NKD1: variants seen among roughly 807,000 people sequenced by gnomAD.
The protein encoded by NKD1 is protein naked cuticle homolog 1.
NKD1 carries 21 observed loss-of-function variants against 56.0 expected under a neutral mutation model. That is an observed-to-expected ratio of 0.38 (90% CI 0.27 to 0.54). NKD1 has a LOEUF of 0.54. NKD1 is among the 20% of genes least tolerant of loss of function. The pLI is 0.82. For missense variants in NKD1, 578 were observed against 642.7 expected, an observed-to-expected ratio of 0.90 and a Z score of 1.09; for synonymous variants, 263 against 265.7, an observed-to-expected ratio of 0.99 and a Z score of 0.10.
intron 3 of NKD1, among the ~76,000 whole-genome samples, chr16:50,563,462 C>G (rs909531714): frequency 6.7e-6 from 1 of 150,108 alleles, no homozygotes; most frequent in Non-Finnish European, 1.5e-5. Context: ...AGGCTAAACT[C>G]CATCCTCAGT....
rs1308383001 is a variant in NKD1 at position 50,632,479 on chromosome 16, CG to C, written c.823+74del. 7.2e-6 allele frequency: 11 copies of C among 1,535,974 alleles called. No individual in the cohort carries two copies. In the East Asian group the frequency reaches 2.0e-4, roughly 28 times the overall value. ...GGCTGGACGGGCCAGGCGGGCCGTG[CG>C]GGTGGTGTTCACTGCTACCCCAGGC... On this transcript the variant is annotated intron_variant, in intron 9 of 9. Coordinates refer to ENST00000268459, the MANE Select transcript of NKD1 (RefSeq NM_033119.5). This position sits in a 1 kb window ranked among gnomAD's most constrained non-coding sequence, Gnocchi z 4.1.
chr16:50,597,004 G>A (rs1961487361), intron 3 of NKD1, among the ~76,000 whole-genome samples: 1 of 152,196 alleles, frequency 6.6e-6, no homozygotes, highest in African/African-American at 2.4e-5. Context: ...GGAACAGAAG[G>A]GGTGAGGGAG....
chr16:50,575,508 C>T, intron 3 of NKD1: 1 of 291,674 alleles, frequency 3.4e-6, no homozygotes, highest in Non-Finnish European at 5.1e-6. Context: ...TAACGTGGGC[C>T]TCCCTTTCCA....
chr16:50,611,711 G>A (rs1202511659), intron 4 of NKD1, among the ~76,000 whole-genome samples: 1 of 152,206 alleles, frequency 6.6e-6, no homozygotes, highest in Non-Finnish European at 1.5e-5. Context: ...CTGACTTCCT[G>A]TGAATTCGCA....
At chr16:50,554,422 A>G (rs1960456544) in intron 3 of NKD1, among the ~76,000 whole-genome samples, 1 of 152,168 alleles carries the variant, frequency 6.6e-6, no homozygotes, top group Non-Finnish European at 1.5e-5. Context: ...CAGCAAAAAA[A>G]GAAGAAAGAA....
chr16:50,602,692 A>T (rs913054006), intron 3 of NKD1, among the ~76,000 whole-genome samples: 1 of 152,046 alleles, frequency 6.6e-6, no homozygotes, highest in Non-Finnish European at 1.5e-5. Context: ...CATGGCATAC[A>T]TGGGTTTGGT....
At position 50,633,941 on chromosome 16, in the gene NKD1, G is replaced by C; in HGVS notation, c.*160G>C. On this transcript the variant is annotated 3_prime_UTR_variant, in exon 10 of 10. Transcript: ENST00000268459. The surrounding 1 kb of genome is among the most constrained non-coding windows in gnomAD (Gnocchi z 4.9). ...GCTAGCCTACATGTAGAAGATCTAT[G>C]GAAACACAGAACTAAACTTTTATTT... 1 of 522,954 alleles carries C rather than the reference G, an allele frequency of 1.9e-6. No homozygotes were observed. The highest frequency in any genetic ancestry group is 3.6e-5 in the South Asian group (1 of 27,526). The allele number at this position is 522,954 out of a possible 1,614,324, so 32.4% of individuals were successfully genotyped here. A position where few individuals can be genotyped will look rare whatever the true frequency, so the allele number is the denominator to read the frequency against.
At chr16:50,631,013 A>G (rs895060011) in intron 8 of NKD1, 103 bp downstream of exon 8, 5 of 808,000 alleles carry the variant, frequency 6.2e-6, no homozygotes, top group East Asian at 2.9e-5. Flanking sequence ...TGTTCTCTTC[A>G]GGGAGCCAAC....
rs1413897439 is a variant in NKD1, at chr16:50,589,689, TTTCTTTTCTC to T, written c.193-18600_193-18591del. 4.8e-4 allele frequency among the ~76,000 whole-genome samples: 71 copies of T among 147,212 alleles called. 1 individual carries two copies. The highest frequency in any genetic ancestry group is 3.5e-3 in the East Asian group (16 of 4,614). On this transcript the variant is annotated intron_variant, in intron 3 of 9. Transcript: ENST00000268459. Reference sequence around the variant, plus strand: ...TGGAGGCCTTTGCTGAATGCTTTCTTTTCTTTTCTCTTCTCTTCTCTTCTCTTCTCTTCTC... The same window carrying T: ...TGGAGGCCTTTGCTGAATGCTTTCTTTTCTCTTCTCTTCTCTTCTCTTCTC...
At chr16:50,615,403 T>C (rs763855748) in intron 4 of NKD1, among the ~76,000 whole-genome samples, 40 of 152,172 alleles carry the variant, frequency 2.6e-4, no homozygotes, top group Non-Finnish European at 5.0e-4. Context: ...AAATGAGTGA[T>C]ATAATGATGG....
Position 50,633,121 on chromosome 16 carries a change from A to T in NKD1, c.824-71A>T. On this transcript the variant is annotated intron_variant, in intron 9 of 9. Coordinates refer to ENST00000268459, the MANE Select transcript of NKD1 (RefSeq NM_033119.5). This position sits in a 1 kb window ranked among gnomAD's most constrained non-coding sequence, Gnocchi z 4.9. ...TTTTGGAGAACTGGGGGCGGGGGTG[A>T]TGTCTGGGGTATAGCGCAAGCCCCA... 7.2e-7 allele frequency: 1 copy of T among 1,386,000 alleles called. No homozygotes were observed. Among genetic ancestry groups the T allele is most frequent in the Non-Finnish European group, 9.7e-7 (1 of 1,032,130 alleles). The allele number at this position is 1,386,000 out of a possible 1,614,324, so 85.9% of individuals were successfully genotyped here. A position where few individuals can be genotyped will look rare whatever the true frequency, so the allele number is the denominator to read the frequency against.
chr16:50,616,339 T>C (rs1961960060), intron 4 of NKD1, among the ~76,000 whole-genome samples: 1 of 152,206 alleles, frequency 6.6e-6, no homozygotes, highest in Non-Finnish European at 1.5e-5. Context: ...TTCAAATTTG[T>C]CTCTTCTTTC....
rs1402246965 is a variant in NKD1, at chr16:50,648,831, G to T, written c.*15050G>T. ...TCTGTGCCCCTTCTTCCATTTTGCT[G>T]CCTGGAAAGCAGATGTGATGGCTGG... On this transcript the variant is annotated 3_prime_UTR_variant, in exon 10 of 10. Transcript: ENST00000268459. 6.6e-6 allele frequency: 1 copy of T among 152,224 alleles called. No homozygotes were observed. The highest frequency in any genetic ancestry group is 1.5e-5 in the Non-Finnish European group (1 of 68,050). 9.4% of individuals were successfully genotyped at this position (152,224 alleles called of 1,614,324 possible).
intron 3 of NKD1, among the ~76,000 whole-genome samples, chr16:50,588,598 CTTTTTTTTTTT>C (rs574622414): frequency 1.2e-4 from 11 of 94,678 alleles, no homozygotes; most frequent in East Asian, 5.5e-4. Flanking sequence ...TTTTCTTCTG[CTTTTTTTTTTT>C]TTTTTTTTTT....
rs1354769568 is a variant in NKD1, at chr16:50,640,059, A to T, written c.*6278A>T. On this transcript the variant is annotated 3_prime_UTR_variant, in exon 10 of 10. Transcript: ENST00000268459. ...CTAGTAGGGTTTGTTTTGGGGTCAC[A>T]TCTGGTCATACCCTTCAGAGAGCTC... is the stretch of plus-strand genomic sequence containing the variant. 6.6e-6 allele frequency: 1 copy of T among 152,178 alleles called. No homozygotes were observed. Among genetic ancestry groups the T allele is most frequent in the African/African-American group, 2.4e-5 (1 of 41,420 alleles). 9.4% of individuals were successfully genotyped at this position (152,178 alleles called of 1,614,324 possible).
intron 3 of NKD1, among the ~76,000 whole-genome samples, chr16:50,576,253 G>A (rs1424126965): frequency 2.6e-5 from 4 of 152,128 alleles, no homozygotes; most frequent in South Asian, 4.1e-4. Context: ...TATTGCCTTC[G>A]CAAGCCTCAG....
intron 5 of NKD1, among the ~76,000 whole-genome samples, chr16:50,622,724 G>A (rs918499046): frequency 6.6e-6 from 1 of 152,236 alleles, no homozygotes; most frequent in African/African-American, 2.4e-5. Context: ...AAGTGCTTAA[G>A]AGGGTGCCCC....
At chr16:50,626,013 G>A (rs1443593618) in intron 6 of NKD1, among the ~76,000 whole-genome samples, 1 of 152,240 alleles carries the variant, frequency 6.6e-6, no homozygotes, top group Non-Finnish European at 1.5e-5. Context: ...TGGGGGTGGG[G>A]GCACAAAGAG....
intron 3 of NKD1, chr16:50,606,838 G>A (rs892490811): frequency 1.8e-5 from 8 of 456,540 alleles, no homozygotes; most frequent in Admixed American, 4.7e-5. Context: ...TTCAGGGGGC[G>A]GTGGCACCCG....
Sources: allele counts gnomAD v4.1 joint callset (sites outside exome capture counted in the v4.1 genomes callset), GRCh38; gene constraint gnomAD v4.1.1; non-coding constraint Gnocchi (gnomAD v3.1); transcripts MANE v1.5; gene names NCBI Gene and HGNC (gene_info 2026-07-23, HGNC 2026-07-21).